EVL: variants seen among roughly 807,000 people sequenced by gnomAD.
EVL encodes ena/VASP-like protein.
Under a neutral mutation model 59.6 loss-of-function variants are expected in EVL, and 21 were observed. That is an observed-to-expected ratio of 0.35 (90% CI 0.25 to 0.51). The LOEUF (loss-of-function observed/expected upper bound fraction) is 0.51. Ranked by LOEUF, EVL falls within the 20% of genes least tolerant of loss-of-function variation. The pLI, the probability that EVL is intolerant of heterozygous loss-of-function variation, is 0.97. For synonymous variants in EVL, 198 were observed against 203.5 expected (o/e 0.97, Z 0.23); for missense variants, 462 against 546.6 (o/e 0.85, Z 1.54).
At chr14:100,060,409 C>T (rs1176150343) in intron 1 of EVL, among the ~76,000 whole-genome samples, 13 of 136,378 alleles carry the variant, frequency 9.5e-5, no homozygotes, top group Middle Eastern at 5.5e-3. Context: ...CCAGCCTGGG[C>T]GACAGAGCGA....
chr14:100,085,816 C>A (rs1352997969), intron 2 of EVL, among the ~76,000 whole-genome samples: 1 of 152,132 alleles, frequency 6.6e-6, no homozygotes. Flanking sequence ...CATCTCTACC[C>A]CAGGACCCCT....
At chr14:100,000,464 C>T (rs1566965769) in intron 1 of EVL, among the ~76,000 whole-genome samples, 1 of 151,370 alleles carries the variant, frequency 6.6e-6, no homozygotes, top group East Asian at 2.0e-4. Context: ...TCTCCTGCCT[C>T]AGCCTCCCGA....
chr14:100,117,534 C>T (rs1022366191), intron 3 of EVL, among the ~76,000 whole-genome samples: 1 of 152,206 alleles, frequency 6.6e-6, no homozygotes, highest in Non-Finnish European at 1.5e-5. Context: ...GGGGTTGAAG[C>T]CTGGCTTAAC....
intron 1 of EVL, among the ~76,000 whole-genome samples, chr14:99,998,742 C>T (rs77952611): frequency 0.014 from 2,146 of 151,990 alleles, 54 homozygotes; most frequent in African/African-American, 0.05. Flanking sequence ...TGTTTACTAG[C>T]GTTTATGTAT....
In EVL at chr14:100,143,845, T is replaced by C. The variant is rs1432511742; in HGVS notation, c.*107T>C. On this transcript the variant is annotated 3_prime_UTR_variant, in exon 14 of 14. Coordinates refer to ENST00000392920, the MANE Select transcript of EVL (RefSeq NM_016337.3). ...GTGCACCAGAGCACGCACAGGAGCC[T>C]GGGCGCGCTGCTGTGAAACGTCCTG... 8.1e-6 allele frequency: 11 copies of C among 1,363,400 alleles called. No individual in the cohort carries two copies. Among genetic ancestry groups the C allele is most frequent in the Admixed American group, 6.1e-5 (3 of 49,270 alleles). 84.5% of individuals were successfully genotyped at this position (1,363,400 alleles called of 1,614,324 possible). A position where few individuals can be genotyped will look rare whatever the true frequency, so the allele number is the denominator to read the frequency against.
intron 1 of EVL, among the ~76,000 whole-genome samples, chr14:100,016,831 A>T (rs2061054900): frequency 6.6e-6 from 1 of 152,154 alleles, no homozygotes; most frequent in African/African-American, 2.4e-5. Flanking sequence ...CACTTCCTGG[A>T]ACAGTTGAGG....
chr14:100,051,034 A>T (rs1173669712), intron 1 of EVL, among the ~76,000 whole-genome samples: 1 of 152,114 alleles, frequency 6.6e-6, no homozygotes, highest in Non-Finnish European at 1.5e-5. Context: ...GGTGTGAACC[A>T]CTGCACCCAG....
At chr14:99,980,771 TATGCCATTACC>T (rs1167520847) in intron 1 of EVL, among the ~76,000 whole-genome samples, 1 of 152,270 alleles carries the variant, frequency 6.6e-6, no homozygotes, top group Admixed American at 6.5e-5. Context: ...TTTTTAGGCC[TATGCCATTACC>T]ATATTTACCT....
At chr14:100,027,713 T>C (rs1292119334) in intron 1 of EVL, among the ~76,000 whole-genome samples, 1 of 152,166 alleles carries the variant, frequency 6.6e-6, no homozygotes, top group Non-Finnish European at 1.5e-5. Flanking sequence ...CTTGCTCTGT[T>C]GCCCAGGCTG....
At chr14:100,132,143 G>GATTC (rs1888474659) in intron 7 of EVL, among the ~76,000 whole-genome samples, 1 of 151,678 alleles carries the variant, frequency 6.6e-6, no homozygotes, top group Admixed American at 6.6e-5. Flanking sequence ...ATGAAACGGG[G>GATTC]ATTCATACTG....
intron 1 of EVL, among the ~76,000 whole-genome samples, chr14:100,080,549 G>T (rs1439882729): frequency 2.0e-5 from 3 of 152,200 alleles, no homozygotes; most frequent in African/African-American, 7.2e-5. Flanking sequence ...TAGAAGTGCA[G>T]TCTGAAGCTT....
At chr14:99,977,676 C>T (rs1057508907) in intron 1 of EVL, among the ~76,000 whole-genome samples, 8 of 151,606 alleles carry the variant, frequency 5.3e-5, no homozygotes, top group South Asian at 2.1e-4. Context: ...CCTCGTGATT[C>T]GCCCACCTCG....
At chr14:100,136,895 C>T (rs1327818169) in intron 9 of EVL, among the ~76,000 whole-genome samples, 1 of 152,158 alleles carries the variant, frequency 6.6e-6, no homozygotes, top group East Asian at 1.9e-4. Context: ...ATGTCTGTAG[C>T]CCCAGGTCTA....
intron 1 of EVL, among the ~76,000 whole-genome samples, chr14:100,038,897 T>A (rs999980400): frequency 1.3e-5 from 2 of 152,072 alleles, no homozygotes; most frequent in African/African-American, 4.8e-5. Flanking sequence ...ACTTTTTTAG[T>A]TCTCTTGAAT....
At chr14:100,036,638 A>T (rs2061393573) in intron 1 of EVL, among the ~76,000 whole-genome samples, 1 of 152,194 alleles carries the variant, frequency 6.6e-6, no homozygotes, top group Admixed American at 6.5e-5. Flanking sequence ...AATAATGCAA[A>T]ACTGCAAGAA....
chr14:100,005,630 T>TACACACAC (rs35844160), intron 1 of EVL, among the ~76,000 whole-genome samples: 16 of 143,638 alleles, frequency 1.1e-4, no homozygotes, highest in African/African-American at 2.3e-4. Context: ...GCCTTTTAAA[T>TACACACAC]ACACACACAC....
intron 2 of EVL, among the ~76,000 whole-genome samples, chr14:100,090,398 T>C (rs2062540063): frequency 6.6e-6 from 1 of 152,230 alleles, no homozygotes; most frequent in South Asian, 2.1e-4. Context: ...AGTCTTACAT[T>C]ACTCCTTCGG....
At chr14:100,018,718 A>G (rs930632311) in intron 1 of EVL, among the ~76,000 whole-genome samples, 4 of 152,198 alleles carry the variant, frequency 2.6e-5, no homozygotes, top group African/African-American at 9.7e-5. Context: ...AAACGTCAAG[A>G]GTGACTCATA....
At chr14:100,126,800 T>C (rs774275585) in intron 5 of EVL, 29 bp downstream of exon 5, 15 of 1,606,590 alleles carry the variant, frequency 9.3e-6, no homozygotes, top group Admixed American at 6.7e-5. Context: ...TAGGGCCGAC[T>C]CCCATGCTGC....
Sources: allele counts gnomAD v4.1 joint callset (sites outside exome capture counted in the v4.1 genomes callset), GRCh38; gene constraint gnomAD v4.1.1; transcripts MANE v1.5; gene names NCBI Gene and HGNC (gene_info 2026-07-23, HGNC 2026-07-21).